CNTN6: variants seen among roughly 807,000 people sequenced by gnomAD.
CNTN6 encodes contactin 6.
In CNTN6, 137 loss-of-function variants were observed where a neutral mutation model predicts 122.8. The ratio of observed to expected loss-of-function variants is 1.12; its 90% CI spans 0.97 to 1.29. The LOEUF (loss-of-function observed/expected upper bound fraction) is 1.29, where lower values mean the gene tolerates loss of function less well. CNTN6 is among the 50% of genes most tolerant of loss of function. CNTN6 has a pLI of 0.00. For missense variants in CNTN6, 1,634 were observed against 1,223.4 expected, an observed-to-expected ratio of 1.34 and a Z score of -5.01; for synonymous variants, 570 against 426.0, an observed-to-expected ratio of 1.34 and a Z score of -4.16.
At chr3:1,388,014 TA>T (rs1299595105) in intron 20 of CNTN6, among the ~76,000 whole-genome samples, 1 of 152,070 alleles carries the variant, frequency 6.6e-6, no homozygotes, top group Non-Finnish European at 1.5e-5. Flanking sequence ...CAGGCTTGAT[TA>T]GGTAAACAAA....
chr3:1,098,021 T>G (rs2090624389), intron 1 of CNTN6, among the ~76,000 whole-genome samples: 1 of 150,094 alleles, frequency 6.7e-6, no homozygotes, highest in Non-Finnish European at 1.5e-5. Flanking sequence ...TGGATCCAAC[T>G]AGATTAAAAA....
chr3:1,245,224 ATATATATATATACACACAC>A (rs1559595372), intron 4 of CNTN6, among the ~76,000 whole-genome samples: 73 of 19,894 alleles, frequency 3.7e-3, no homozygotes, highest in African/African-American at 0.022. Context: ...ATATATATAT[ATATATATATATACACACAC>A]ACATATATAT....
At chr3:1,124,968 C>T (rs942536561) in intron 1 of CNTN6, among the ~76,000 whole-genome samples, 38 of 151,952 alleles carry the variant, frequency 2.5e-4, no homozygotes, top group African/African-American at 8.9e-4. Context: ...TCTTCAAGAC[C>T]CAGATCAGTG....
chr3:1,179,599 C>A (rs977286758), intron 2 of CNTN6, among the ~76,000 whole-genome samples: 1 of 152,060 alleles, frequency 6.6e-6, no homozygotes, highest in Admixed American at 6.6e-5. Context: ...ATGGCTGTTC[C>A]CTAGTTCCCT....
At chr3:1,312,971 T>A (rs890110948) in intron 7 of CNTN6, among the ~76,000 whole-genome samples, 1 of 152,078 alleles carries the variant, frequency 6.6e-6, no homozygotes, top group African/African-American at 2.4e-5. Context: ...AGCTAACATA[T>A]AATATGTGCT....
chr3:1,199,572 G>T (rs1042026452), intron 2 of CNTN6, among the ~76,000 whole-genome samples: 2 of 151,958 alleles, frequency 1.3e-5, no homozygotes, highest in African/African-American at 4.8e-5. Context: ...ATGGCTATTT[G>T]AAATGTAAAA....
At chr3:1,309,047 A>G (rs1187630561) in intron 7 of CNTN6, among the ~76,000 whole-genome samples, 1 of 152,144 alleles carries the variant, frequency 6.6e-6, no homozygotes, top group South Asian at 2.1e-4. Flanking sequence ...TTTATCAGAT[A>G]TGCGTTTTGC....
chr3:1,343,515 G>A lies in CNTN6; in HGVS notation c.1365-8809G>A, dbSNP rs1704198754. Among the ~76,000 whole-genome samples, 3 of 152,030 alleles carry A rather than the reference G, an allele frequency of 2.0e-5. No homozygotes were observed. In the South Asian group the frequency reaches 6.2e-4, roughly 32 times the overall value. The stretch of plus-strand genomic sequence containing the variant: ...TGTTTGACTAAATCGCTTTCTGTTA[G>A]GGGACTGAATTGATTGATAATATTG... On this transcript the variant is annotated intron_variant, in intron 11 of 22. Transcript: ENST00000446702.
chr3:1,387,194 C>T (rs116678472), intron 20 of CNTN6, among the ~76,000 whole-genome samples: 48 of 151,956 alleles, frequency 3.2e-4, no homozygotes, highest in African/African-American at 1.1e-3. Context: ...CTGGAAGCAT[C>T]TTAGAAAATA....
At chr3:1,179,617 T>C (rs770631014) in intron 2 of CNTN6, among the ~76,000 whole-genome samples, 24 of 152,166 alleles carry the variant, frequency 1.6e-4, no homozygotes, top group Non-Finnish European at 2.6e-4. Flanking sequence ...CCTAAGACAC[T>C]TCCTCCTGCA....
chr3:1,182,793 T>G (rs757898247), intron 2 of CNTN6, among the ~76,000 whole-genome samples: 1 of 152,148 alleles, frequency 6.6e-6, no homozygotes, highest in Non-Finnish European at 1.5e-5. Context: ...ATGTTTATCA[T>G]GCATCTATGA....
intron 4 of CNTN6, among the ~76,000 whole-genome samples, chr3:1,277,364 T>C (rs1468396099): frequency 1.5e-5 from 2 of 132,652 alleles, no homozygotes; most frequent in Non-Finnish European, 3.2e-5. Flanking sequence ...TTTTTTTTTT[T>C]TTTTTTTTTT....
chr3:1,289,868 GT>G (rs113931681), intron 5 of CNTN6, among the ~76,000 whole-genome samples: 8,705 of 152,112 alleles, frequency 0.057, 275 homozygotes, highest in Middle Eastern at 0.071. Flanking sequence ...TAGAGACGGG[GT>G]TTCACCGTGT....
intron 7 of CNTN6, among the ~76,000 whole-genome samples, chr3:1,300,523 AAGATAAAGAAAGAGAG>A (rs1559754653): frequency 1.0e-3 from 147 of 143,236 alleles, no homozygotes; most frequent in African/African-American, 3.8e-3. Flanking sequence ...GAAAGAAAGA[AAGATAAAGAAAGAGAG>A]AGAAAGAAAG....
rs201765713 is a variant in CNTN6 at position 1,099,470 on chromosome 3, TTAAA to T, written c.-83+6361_-83+6364del. Reference sequence around the variant, plus strand: ...TGTCTCAAAAAATTAATTAATTAATTTAAATAAATAAATACAGTTCTAGGATATA... The same window carrying T: ...TGTCTCAAAAAATTAATTAATTAATTTAAATAAATACAGTTCTAGGATATA... On this transcript the variant is annotated intron_variant, in intron 1 of 22. Coordinates refer to ENST00000446702, the MANE Select transcript of CNTN6 (RefSeq NM_001289080.2). Among the ~76,000 whole-genome samples the T allele has an allele frequency of 6.4e-3, 981 of 152,226 alleles. 15 individuals are homozygous for T. Among genetic ancestry groups the T allele is most frequent in the African/African-American group, 0.022 (896 of 41,536 alleles).
At chr3:1,306,086 A>C (rs909557419) in intron 7 of CNTN6, among the ~76,000 whole-genome samples, 4 of 152,148 alleles carry the variant, frequency 2.6e-5, no homozygotes, top group African/African-American at 9.7e-5. Context: ...TTTTTGGTTT[A>C]TTGAATTAAT....
At chr3:1,112,501 C>T (rs147665500) in intron 1 of CNTN6, among the ~76,000 whole-genome samples, 482 of 152,170 alleles carry the variant, frequency 3.2e-3, no homozygotes, top group Middle Eastern at 6.8e-3. Context: ...GCTGGAGTTT[C>T]AATGTCGGAG....
chr3:1,160,356 A>G (rs959931702), intron 2 of CNTN6, among the ~76,000 whole-genome samples: 1 of 142,586 alleles, frequency 7.0e-6, no homozygotes, highest in African/African-American at 2.6e-5. Context: ...ATATATATAT[A>G]TATATATATA....
At chr3:1,302,153 C>T (rs1021544786) in intron 7 of CNTN6, among the ~76,000 whole-genome samples, 41 of 152,070 alleles carry the variant, frequency 2.7e-4, no homozygotes, top group African/African-American at 9.9e-4. Flanking sequence ...AAGTTTGTTG[C>T]CAAGTGTTTT....
Sources: allele counts gnomAD v4.1 joint callset (sites outside exome capture counted in the v4.1 genomes callset), GRCh38; gene constraint gnomAD v4.1.1; transcripts MANE v1.5; gene names NCBI Gene and HGNC (gene_info 2026-07-23, HGNC 2026-07-21).